CNTNAP2: variants seen among roughly 807,000 people sequenced by gnomAD.
CNTNAP2 encodes the protein contactin associated protein 2, also known as contactin-associated protein-like 2.
CNTNAP2 carries 98 observed loss-of-function variants against 155.2 expected under a neutral mutation model. The ratio of observed to expected loss-of-function variants is 0.63; its 90% CI spans 0.54 to 0.75. The LOEUF (loss-of-function observed/expected upper bound fraction) is 0.75, where lower values mean the gene tolerates loss of function less well. CNTNAP2 is among the 30% of genes least tolerant of loss of function. The pLI is 0.00. For synonymous variants in CNTNAP2, 651 were observed against 631.2 expected (o/e 1.03, Z -0.47); for missense variants, 1,727 against 1,688.1 (o/e 1.02, Z -0.40).
intron 9 of CNTNAP2, among the ~76,000 whole-genome samples, chr7:147,347,441 CATATATATAT>C (rs375359219): frequency 1.8e-5 from 1 of 56,570 alleles, no homozygotes; most frequent in Non-Finnish European, 4.4e-5. Flanking sequence ...TATATATATG[CATATATATAT>C]ATATGCATAT....
At chr7:146,861,751 G>A (rs1454673261) in intron 3 of CNTNAP2, among the ~76,000 whole-genome samples, 3 of 152,196 alleles carry the variant, frequency 2.0e-5, no homozygotes, top group South Asian at 2.1e-4. Flanking sequence ...GTGTTACATC[G>A]CTTCATCTGA....
chr7:147,197,710 A>C (rs1269604894), intron 8 of CNTNAP2, among the ~76,000 whole-genome samples: 1 of 152,244 alleles, frequency 6.6e-6, no homozygotes, highest in Non-Finnish European at 1.5e-5. Context: ...TGAAGTGCAC[A>C]TATTTTGCCT....
intron 1 of CNTNAP2, among the ~76,000 whole-genome samples, chr7:146,563,346 C>G (rs1454886330): frequency 6.6e-6 from 1 of 152,066 alleles, no homozygotes. Flanking sequence ...AAGAAGACTT[C>G]CAAACCATTA....
chr7:146,336,539 GA>G (rs11382460), intron 1 of CNTNAP2, among the ~76,000 whole-genome samples: 15 of 140,442 alleles, frequency 1.1e-4, no homozygotes, highest in East Asian at 6.2e-4. Flanking sequence ...ATCCATAAAG[GA>G]AAAAAAAAAC....
intron 13 of CNTNAP2, among the ~76,000 whole-genome samples, chr7:147,729,257 A>G (rs982809578): frequency 6.6e-5 from 10 of 151,876 alleles, no homozygotes; most frequent in African/African-American, 2.4e-4. Context: ...TATTAAAGGA[A>G]GTAATTTAGC....
intron 2 of CNTNAP2, among the ~76,000 whole-genome samples, chr7:146,809,795 AG>A (rs1406651740): frequency 6.6e-6 from 1 of 152,100 alleles, no homozygotes; most frequent in Non-Finnish European, 1.5e-5. Flanking sequence ...TCCATTCCGT[AG>A]GTTGCCTTTT....
At chr7:148,314,460 GT>G (rs1364784163) in intron 21 of CNTNAP2, among the ~76,000 whole-genome samples, 4 of 152,300 alleles carry the variant, frequency 2.6e-5, no homozygotes, top group African/African-American at 7.2e-5. Context: ...TTTAGGTCAG[GT>G]GTGAGTTGAA....
intron 13 of CNTNAP2, among the ~76,000 whole-genome samples, chr7:147,641,455 T>A (rs952394338): frequency 6.6e-6 from 1 of 152,128 alleles, no homozygotes; most frequent in Non-Finnish European, 1.5e-5. Flanking sequence ...CCTGGTGAGA[T>A]AATAAAACCT....
At chr7:147,485,465 A>G (rs372802997) in intron 10 of CNTNAP2, among the ~76,000 whole-genome samples, 58 of 152,204 alleles carry the variant, frequency 3.8e-4, no homozygotes, top group African/African-American at 1.4e-3. Flanking sequence ...AAGTTAGTAT[A>G]TTTTCATTGC....
intron 3 of CNTNAP2, among the ~76,000 whole-genome samples, chr7:146,881,219 A>C (rs1795543766): frequency 6.6e-6 from 1 of 152,136 alleles, no homozygotes; most frequent in Non-Finnish European, 1.5e-5. Flanking sequence ...AGGAAAAGCC[A>C]ATAAAACTGT....
intron 14 of CNTNAP2, among the ~76,000 whole-genome samples, chr7:147,973,956 C>T (rs1801381470): frequency 1.3e-5 from 2 of 152,208 alleles, no homozygotes; most frequent in African/African-American, 2.4e-5. Context: ...TTTTCAGTAT[C>T]ATTGACCAAT....
chr7:148,367,235 AAAAAT>A lies in CNTNAP2; in HGVS notation c.3476-16409_3476-16405del, dbSNP rs1449007442. 4.6e-5 allele frequency among the ~76,000 whole-genome samples: 7 copies of A among 151,322 alleles called. No individual in the cohort carries two copies. In the South Asian group the frequency reaches 1.2e-3, roughly 27 times the overall value. ...ACAGAACAAGACTCTGTCTCAAAAA[AAAAAT>A]AAAAGAAAAGAAAAACCATCACATA... On this transcript the variant is annotated intron_variant, in intron 21 of 23. Coordinates refer to ENST00000361727, the MANE Select transcript of CNTNAP2 (RefSeq NM_014141.6).
chr7:146,685,155 G>A (rs891165721), intron 1 of CNTNAP2, among the ~76,000 whole-genome samples: 1 of 152,130 alleles, frequency 6.6e-6, no homozygotes, highest in African/African-American at 2.4e-5. Context: ...GTGGAGGAGT[G>A]AATTTTGAAA....
intron 1 of CNTNAP2, among the ~76,000 whole-genome samples, chr7:146,702,581 G>C (rs1045426462): frequency 9.9e-5 from 15 of 152,208 alleles, no homozygotes; most frequent in African/African-American, 3.4e-4. Flanking sequence ...GCCAATGTAA[G>C]ATATAACCTG....
chr7:147,645,749 A>G (rs893636389), intron 13 of CNTNAP2, among the ~76,000 whole-genome samples: 1 of 152,192 alleles, frequency 6.6e-6, no homozygotes, highest in Non-Finnish European at 1.5e-5. Flanking sequence ...ATAAGCTGAT[A>G]TGGGAAAGAT....
chr7:147,869,949 T>A (rs1401906430), intron 13 of CNTNAP2, among the ~76,000 whole-genome samples: 1 of 152,174 alleles, frequency 6.6e-6, no homozygotes, highest in African/African-American at 2.4e-5. Context: ...ATCTAACCTG[T>A]ACTAAATATT....
intron 13 of CNTNAP2, among the ~76,000 whole-genome samples, chr7:147,761,190 C>T (rs747179798): frequency 6.6e-6 from 1 of 152,164 alleles, no homozygotes; most frequent in Non-Finnish European, 1.5e-5. Context: ...GTATTAATGA[C>T]AAATGTTTTG....
intron 1 of CNTNAP2, among the ~76,000 whole-genome samples, chr7:146,426,212 T>TAAAAAAAAAAAAAAAAAAAAAAAAAA (rs1554431713): frequency 8.8e-6 from 1 of 113,244 alleles, no homozygotes; most frequent in African/African-American, 3.8e-5. Flanking sequence ...AAAAAAAAAT[T>TAAAAAAAAAAAAAAAAAAAAAAAAAA]AAAACTTAAG....
At chr7:147,749,660 A>G (rs149674190) in intron 13 of CNTNAP2, among the ~76,000 whole-genome samples, 3,185 of 152,292 alleles carry the variant, frequency 0.021, 97 homozygotes, top group African/African-American at 0.073. Flanking sequence ...TCTACTCTTA[A>G]AATCACCTAG....
Sources: allele counts gnomAD v4.1 joint callset (sites outside exome capture counted in the v4.1 genomes callset), GRCh38; gene constraint gnomAD v4.1.1; transcripts MANE v1.5; gene names NCBI Gene and HGNC (gene_info 2026-07-23, HGNC 2026-07-21).